The following RBFOX1 variants were observed in gnomAD, a reference collection of about 807,000 sequenced individuals.
RBFOX1 encodes RNA binding fox-1 homolog 1.
A neutral mutation model predicts 57.7 loss-of-function variants in RBFOX1; 8 were observed. That is an observed-to-expected ratio of 0.14 (90% CI 0.08 to 0.25). The LOEUF (loss-of-function observed/expected upper bound fraction) is 0.25. RBFOX1 is among the 10% of genes least tolerant of loss of function. The pLI, the probability that RBFOX1 is intolerant of heterozygous loss-of-function variation, is 1.00. For synonymous variants in RBFOX1, 326 were observed against 222.4 expected (o/e 1.47, Z -4.15); for missense variants, 611 against 548.5 (o/e 1.11, Z -1.14).
intron 6 of RBFOX1, among the ~76,000 whole-genome samples, chr16:7,586,216 C>T (rs1026436474): frequency 1.3e-5 from 2 of 152,120 alleles, no homozygotes; most frequent in African/African-American, 4.8e-5. Context: ...TTACATTACC[C>T]TCTCTCTCAG....
At chr16:6,513,101 C>A (rs1312828067) in intron 2 of RBFOX1, among the ~76,000 whole-genome samples, 1 of 152,212 alleles carries the variant, frequency 6.6e-6, no homozygotes, top group Non-Finnish European at 1.5e-5. Flanking sequence ...TCTAGTCTGG[C>A]TTCAAATCCC....
chr16:7,034,764 G>A (rs952843494), intron 3 of RBFOX1, among the ~76,000 whole-genome samples: 1 of 150,504 alleles, frequency 6.6e-6, no homozygotes, highest in African/African-American at 2.4e-5. Flanking sequence ...TTTGGGGGAG[G>A]GGTCTCAGAA....
chr16:7,689,554 G>C (rs1235598365), intron 14 of RBFOX1, among the ~76,000 whole-genome samples: 1 of 152,034 alleles, frequency 6.6e-6, no homozygotes, highest in Admixed American at 6.6e-5. Context: ...TTCTGATTCA[G>C]GTGGTCAGAG....
intron 3 of RBFOX1, among the ~76,000 whole-genome samples, chr16:5,737,895 T>C (rs1317769502): frequency 6.6e-6 from 1 of 152,190 alleles, no homozygotes; most frequent in African/African-American, 2.4e-5. Flanking sequence ...CTGAGACACA[T>C]GTGCAGAACG....
chr16:5,342,008 T>G (rs2065043645), intron 1 of RBFOX1, among the ~76,000 whole-genome samples: 1 of 152,170 alleles, frequency 6.6e-6, no homozygotes, highest in Non-Finnish European at 1.5e-5. Flanking sequence ...TTCCCCTCCT[T>G]CTGCATGGAA....
chr16:6,115,444 G>A (rs925982112), intron 1 of RBFOX1, among the ~76,000 whole-genome samples: 2 of 152,164 alleles, frequency 1.3e-5, no homozygotes. Flanking sequence ...ATGCAGTAGT[G>A]AGGATGTCTT....
At chr16:7,412,844 C>T (rs2098442763) in intron 4 of RBFOX1, among the ~76,000 whole-genome samples, 1 of 152,124 alleles carries the variant, frequency 6.6e-6, no homozygotes, top group African/African-American at 2.4e-5. Flanking sequence ...AGATCGAGAC[C>T]ATCCTGGCTA....
intron 4 of RBFOX1, among the ~76,000 whole-genome samples, chr16:7,342,120 G>T (rs746863686): frequency 6.6e-5 from 10 of 152,080 alleles, no homozygotes; most frequent in Non-Finnish European, 1.2e-4. Flanking sequence ...AAAAGAACAG[G>T]ATTTACAACA....
intron 1 of RBFOX1, among the ~76,000 whole-genome samples, chr16:6,266,721 A>T (rs1453661559): frequency 1.3e-5 from 2 of 151,982 alleles, no homozygotes; most frequent in African/African-American, 4.8e-5. Flanking sequence ...CTAAAAAAAA[A>T]AAAAAGAAGA....
At chr16:7,297,540 C>G (rs2095922526) in intron 4 of RBFOX1, among the ~76,000 whole-genome samples, 1 of 152,022 alleles carries the variant, frequency 6.6e-6, no homozygotes, top group Non-Finnish European at 1.5e-5. Context: ...TAGTCCATTC[C>G]CTTTTTTGTT....
At chr16:6,997,843 TAGC>T (rs1316049795) in intron 3 of RBFOX1, among the ~76,000 whole-genome samples, 3 of 152,172 alleles carry the variant, frequency 2.0e-5, no homozygotes, top group Admixed American at 6.5e-5. Flanking sequence ...CTTCTAGTAA[TAGC>T]AGGAAACAGT....
intron 4 of RBFOX1, among the ~76,000 whole-genome samples, chr16:6,009,624 A>G (rs2094948169): frequency 6.6e-6 from 1 of 152,240 alleles, no homozygotes; most frequent in Middle Eastern, 3.4e-3. Context: ...CACAGCAAGC[A>G]ATCATGTTTT....
chr16:7,208,823 T>C lies in RBFOX1; in HGVS notation c.27+156725T>C, dbSNP rs576338383. 3.1e-3 allele frequency among the ~76,000 whole-genome samples: 464 copies of C among 151,764 alleles called. 2 individuals are homozygous for C. The highest frequency in any genetic ancestry group is 2.1e-3 in the Non-Finnish European group (140 of 67,936). Reference sequence around the variant, plus strand: ...CTTGCAATCCAGCCTGGGTGAAGAGTGAGATTCTGTGTCTGTAAGCAAACA... The same window carrying C: ...CTTGCAATCCAGCCTGGGTGAAGAGCGAGATTCTGTGTCTGTAAGCAAACA... On this transcript the variant is annotated intron_variant, in intron 4 of 15. Transcript: ENST00000550418.
chr16:5,457,622 T>C (rs2068669256), intron 1 of RBFOX1, among the ~76,000 whole-genome samples: 1 of 152,168 alleles, frequency 6.6e-6, no homozygotes, highest in Non-Finnish European at 1.5e-5. Context: ...TTCGTCTGCA[T>C]GGAGCACTCT....
chr16:6,779,066 A>G (rs184651851), intron 3 of RBFOX1, among the ~76,000 whole-genome samples: 1 of 152,180 alleles, frequency 6.6e-6, no homozygotes, highest in African/African-American at 2.4e-5. Flanking sequence ...CATTATTGTT[A>G]ACTATAGTTG....
At position 5,561,243 on chromosome 16, in the gene RBFOX1, C is replaced by G. The variant is rs76796516; in HGVS notation, c.259-37659C>G. 7.9e-3 allele frequency among the ~76,000 whole-genome samples: 1,197 copies of G among 151,780 alleles called. 17 individuals are homozygous for G. The highest frequency in any genetic ancestry group is 0.027 in the African/African-American group (1,113 of 41,218). On this transcript the variant is annotated intron_variant, in intron 2 of 2. Coordinates refer to the RBFOX1 transcript ENST00000585867. ...AAATATGAGCAGACTCTATTATGGC[C>G]CATGGTTAAAACCAACTTTCTTTAA...
At chr16:6,120,509 G>A (rs1430683904) in intron 1 of RBFOX1, among the ~76,000 whole-genome samples, 1 of 152,052 alleles carries the variant, frequency 6.6e-6, no homozygotes, top group Non-Finnish European at 1.5e-5. Flanking sequence ...TGGGATCTTG[G>A]GTGGGTCGTA....
At chr16:6,833,575 C>A (rs890150790) in intron 3 of RBFOX1, among the ~76,000 whole-genome samples, 1 of 152,168 alleles carries the variant, frequency 6.6e-6, no homozygotes, top group Non-Finnish European at 1.5e-5. Flanking sequence ...ATCATTTCCT[C>A]CACTGCACTT....
chr16:6,572,916 C>G (rs747780421), intron 2 of RBFOX1, among the ~76,000 whole-genome samples: 2 of 152,044 alleles, frequency 1.3e-5, no homozygotes, highest in Non-Finnish European at 2.9e-5. Context: ...TTACTAAGTG[C>G]CTACTTTGTT....
Sources: allele counts gnomAD v4.1 joint callset (sites outside exome capture counted in the v4.1 genomes callset), GRCh38; gene constraint gnomAD v4.1.1; transcripts MANE v1.5; gene names NCBI Gene and HGNC (gene_info 2026-07-23, HGNC 2026-07-21).